Variants in TTC27 observed in about 807,000 individuals in gnomAD.
TTC27 encodes the protein tetratricopeptide repeat protein 27.
Under a neutral mutation model 115.9 loss-of-function variants are expected in TTC27, and 79 were observed. That is an observed-to-expected ratio of 0.68 (90% CI 0.57 to 0.82). The LOEUF (loss-of-function observed/expected upper bound fraction) is 0.82, where lower values mean the gene tolerates loss of function less well. Ranked by LOEUF, TTC27 falls within the 40% of genes least tolerant of loss-of-function variation. The probability of loss-of-function intolerance (pLI) is 0.00; values close to 1 mark genes in which losing one functional copy is unlikely to be tolerated. For missense variants in TTC27, 1,054 were observed against 993.1 expected (o/e 1.06, Z -0.82); for synonymous variants, 401 against 356.0 (o/e 1.13, Z -1.42).
chr2:32,690,105 A>G (rs1666761780), intron 9 of TTC27, among the ~76,000 whole-genome samples: 2 of 152,208 alleles, frequency 1.3e-5, no homozygotes, highest in African/African-American at 4.8e-5. Context: ...ACAGGTCCTC[A>G]AGTAACATTG....
chr2:32,628,735 T>TTATC (rs1284061571), intron 1 of TTC27, among the ~76,000 whole-genome samples: 59 of 133,660 alleles, frequency 4.4e-4, no homozygotes, highest in African/African-American at 1.3e-3. Flanking sequence ...TAATTTTATT[T>TTATC]TATCTATTTA....
At chr2:32,761,466 A>G (rs1669434245) in intron 13 of TTC27, among the ~76,000 whole-genome samples, 1 of 152,148 alleles carries the variant, frequency 6.6e-6, no homozygotes, top group South Asian at 2.1e-4. Context: ...CAGTTATGGT[A>G]ATACCCAGTC....
chr2:32,790,213 T>C (rs1215082669), intron 16 of TTC27, among the ~76,000 whole-genome samples: 5 of 152,054 alleles, frequency 3.3e-5, no homozygotes, highest in Non-Finnish European at 5.9e-5. Flanking sequence ...CAATGTAACA[T>C]GTTCTAATCC....
chr2:32,675,341 T>C (rs1442324915), intron 8 of TTC27, among the ~76,000 whole-genome samples: 4 of 152,214 alleles, frequency 2.6e-5, no homozygotes. Context: ...CAAATAAATG[T>C]ATTCCCAGGC....
intron 2 of TTC27, among the ~76,000 whole-genome samples, chr2:32,631,281 C>A (rs563985129): frequency 6.6e-6 from 1 of 151,884 alleles, no homozygotes; most frequent in South Asian, 2.1e-4. Flanking sequence ...CTAGCCTGGG[C>A]GACAGAGCGA....
intron 2 of TTC27, among the ~76,000 whole-genome samples, chr2:32,631,371 G>A (rs1664204215): frequency 6.6e-6 from 1 of 152,082 alleles, no homozygotes; most frequent in Non-Finnish European, 1.5e-5. Flanking sequence ...GTGCTAATTT[G>A]TAACTATTTA....
chr2:32,771,850 G>C (rs1402019792), intron 13 of TTC27, among the ~76,000 whole-genome samples: 1 of 152,120 alleles, frequency 6.6e-6, no homozygotes, highest in Non-Finnish European at 1.5e-5. Flanking sequence ...CTGTGTTTGG[G>C]GTCACAGAAA....
Position 32,787,130 on chromosome 2 carries a change from A to T in TTC27, c.1979A>T (p.Asp660Val), listed in dbSNP as rs1232778950. 1 of 1,612,558 alleles carries T rather than the reference A, an allele frequency of 6.2e-7. No individual in the cohort carries two copies. Among genetic ancestry groups the T allele is most frequent in the East Asian group, 2.2e-5 (1 of 44,868 alleles). ...KAYHRLLDLR[D>V]KYKDVQVLKI... ...TATCACCGGCTCTTGGACTTACGTG[A>T]CAAATACAAAGATGTTCAGGTAGGA... Residue 660 changes from aspartate (D) to valine (V), a missense_variant, in exon 16 of 20, where the codon GAC becomes GTC. Coordinates refer to ENST00000317907, the MANE Select transcript of TTC27 (RefSeq NM_017735.5).
intron 5 of TTC27, among the ~76,000 whole-genome samples, chr2:32,663,439 C>T (rs1371059408): frequency 6.6e-6 from 1 of 152,178 alleles, no homozygotes; most frequent in Non-Finnish European, 1.5e-5. Flanking sequence ...TCCACGACCC[C>T]TTGTGCTTCC....
chr2:32,786,810 A>G (rs779998112), intron 15 of TTC27, among the ~76,000 whole-genome samples, 174 bp from the exon 16 acceptor site: 1 of 152,168 alleles, frequency 6.6e-6, no homozygotes, highest in Non-Finnish European at 1.5e-5. Context: ...TCTGTCACTG[A>G]ATTTTGTAGG....
chr2:32,671,245 T>G (rs1666004781), intron 7 of TTC27, among the ~76,000 whole-genome samples: 1 of 152,028 alleles, frequency 6.6e-6, no homozygotes, highest in South Asian at 2.1e-4. Context: ...GGTCTGTGAT[T>G]AATTTTGATT....
rs533493768 is a variant in TTC27, at chr2:32,815,223, A to ATTTTTTTTTTTTTTTTTT, written c.2309-2220_2309-2203dup. Among the ~76,000 whole-genome samples the ATTTTTTTTTTTTTTTTTT allele has an allele frequency of 2.5e-4, 14 of 55,512 alleles. 6 individuals carry two copies. Among genetic ancestry groups the ATTTTTTTTTTTTTTTTTT allele is most frequent in the African/African-American group, 9.3e-4 (10 of 10,720 alleles). The allele number at this position is 55,512 out of a possible 152,430, so 36.4% of individuals were successfully genotyped here. ...CATAGAGGAGGCACTGCTGCTTCAG[A>ATTTTTTTTTTTTTTTTTT]TTTTTTTTTTTTTTTTTTTTTTTTT... On this transcript the variant is annotated intron_variant, in intron 18 of 19. Transcript: ENST00000317907.
chr2:32,791,108 T>A (rs536812737), intron 16 of TTC27, among the ~76,000 whole-genome samples: 2 of 152,336 alleles, frequency 1.3e-5, no homozygotes, highest in East Asian at 3.9e-4. Context: ...TTTTTATTCA[T>A]CTATCATAAA....
chr2:32,802,988 T>G (rs1285672885), intron 16 of TTC27, among the ~76,000 whole-genome samples: 2 of 152,232 alleles, frequency 1.3e-5, no homozygotes, highest in Non-Finnish European at 2.9e-5. Context: ...GGCTCGTATT[T>G]CCCTGGGGTA....
intron 15 of TTC27, 72 bp downstream of exon 15, chr2:32,782,750 T>G: frequency 8.0e-7 from 1 of 1,245,602 alleles, no homozygotes. Context: ...CAACTGAACA[T>G]TGTTTCAATG....
At chr2:32,817,663 C>T (rs1405896059) in intron 19 of TTC27, 106 bp downstream of exon 19, 6 of 1,046,920 alleles carry the variant, frequency 5.7e-6, no homozygotes, top group Non-Finnish European at 5.8e-6. Flanking sequence ...ATTTTAGGCG[C>T]ATGTTTTATT....
intron 9 of TTC27, among the ~76,000 whole-genome samples, chr2:32,689,377 A>G (rs942066754): frequency 1.3e-5 from 2 of 152,166 alleles, no homozygotes; most frequent in Non-Finnish European, 2.9e-5. Flanking sequence ...CTATTTTAAG[A>G]TTATCAATAT....
chr2:32,690,919 TG>T (rs1666787543), intron 9 of TTC27, among the ~76,000 whole-genome samples: 1 of 152,218 alleles, frequency 6.6e-6, no homozygotes, highest in Non-Finnish European at 1.5e-5. Flanking sequence ...CAGTGTGACC[TG>T]GGTGGGCATC....
chr2:32,750,554 G>A (rs1558323870), intron 12 of TTC27, among the ~76,000 whole-genome samples: 1 of 152,186 alleles, frequency 6.6e-6, no homozygotes, highest in Non-Finnish European at 1.5e-5. Context: ...GACTATGCAA[G>A]GGTTTAGTTG....
Sources: gnomAD v4.1 joint callset for allele counts (sites outside exome capture counted in the v4.1 genomes callset) on GRCh38, gnomAD v4.1.1 for gene constraint, MANE v1.5 for transcripts, NCBI Gene and HGNC (gene_info 2026-07-23, HGNC 2026-07-21) for gene names.